TLN2: variants seen among roughly 807,000 people sequenced by gnomAD.
TLN2 encodes talin-2.
In TLN2, 118 loss-of-function variants were observed where a neutral mutation model predicts 294.7. The ratio of observed to expected loss-of-function variants is 0.40; its 90% CI spans 0.34 to 0.47. TLN2 has a LOEUF of 0.47. TLN2 is among the 20% of genes least tolerant of loss of function. The pLI is 0.84. For missense variants in TLN2, 3,083 were observed against 3,282.2 expected, an observed-to-expected ratio of 0.94 and a Z score of 1.48; for synonymous variants, 1,431 against 1,304.5, an observed-to-expected ratio of 1.10 and a Z score of -2.09.
intron 2 of TLN2, among the ~76,000 whole-genome samples, chr15:62,617,747 C>G (rs1180432562): frequency 6.6e-6 from 1 of 152,108 alleles, no homozygotes; most frequent in Non-Finnish European, 1.5e-5. Context: ...TCTTGAACTT[C>G]TAAATCAAAT....
At chr15:62,639,253 ATATCTAT>A (rs2050725035) in intron 3 of TLN2, among the ~76,000 whole-genome samples, 1 of 151,894 alleles carries the variant, frequency 6.6e-6, no homozygotes, top group South Asian at 2.1e-4. Flanking sequence ...ATCTATATCT[ATATCTAT>A]GTGTATATCT....
intron 54 of TLN2, chr15:62,828,131 T>G (rs540537914): frequency 6.6e-6 from 1 of 152,422 alleles, no homozygotes; most frequent in African/African-American, 2.4e-5. Context: ...CAACCCAATA[T>G]ATAGCCTTTC....
intron 14 of TLN2, among the ~76,000 whole-genome samples, chr15:62,696,860 G>A (rs1341422658): frequency 6.6e-6 from 1 of 152,130 alleles, no homozygotes; most frequent in African/African-American, 2.4e-5. Flanking sequence ...CAATGGTGGT[G>A]GACCTGAGGA....
chr15:62,556,116 T>G (rs2140571982), intron 1 of TLN2, among the ~76,000 whole-genome samples: 1 of 152,020 alleles, frequency 6.6e-6, no homozygotes, highest in East Asian at 1.9e-4. Context: ...TTCTCTCCAT[T>G]ATTGTATCTT....
chr15:62,618,140 A>G (rs1171344451), intron 2 of TLN2, among the ~76,000 whole-genome samples: 3 of 151,936 alleles, frequency 2.0e-5, no homozygotes, highest in African/African-American at 7.3e-5. Context: ...TTCTTCAATA[A>G]CAGCCAGGTG....
At chr15:62,529,235 A>T (rs1305093290) in intron 1 of TLN2, among the ~76,000 whole-genome samples, 1 of 152,032 alleles carries the variant, frequency 6.6e-6, no homozygotes, top group Non-Finnish European at 1.5e-5. Flanking sequence ...CTGGGACTAC[A>T]GGTGTGCACC....
intron 1 of TLN2, among the ~76,000 whole-genome samples, chr15:62,476,786 T>TG (rs1442500811): frequency 6.6e-6 from 1 of 152,220 alleles, no homozygotes; most frequent in Non-Finnish European, 1.5e-5. Context: ...TGGTGGCAGA[T>TG]GCAGATGCCA....
chr15:62,463,778 T>C (rs2036951053), intron 1 of TLN2, among the ~76,000 whole-genome samples: 1 of 152,066 alleles, frequency 6.6e-6, no homozygotes, highest in Non-Finnish European at 1.5e-5. Flanking sequence ...TCCCAGCTAC[T>C]CGGGAGGCTG....
chr15:62,659,957 T>A (rs983352855), intron 9 of TLN2, among the ~76,000 whole-genome samples: 1 of 152,234 alleles, frequency 6.6e-6, no homozygotes, highest in Non-Finnish European at 1.5e-5. Flanking sequence ...GTCCTGTTTT[T>A]ACCTGGGCTG....
At chr15:62,553,165 T>C (rs1300100661) in intron 1 of TLN2, among the ~76,000 whole-genome samples, 1 of 152,242 alleles carries the variant, frequency 6.6e-6, no homozygotes, top group Non-Finnish European at 1.5e-5. Context: ...AGTATATCTT[T>C]GCTGGCTGGC....
At chr15:62,725,652 A>G (rs962818639) in intron 27 of TLN2, among the ~76,000 whole-genome samples, 3 of 152,212 alleles carry the variant, frequency 2.0e-5, no homozygotes, top group African/African-American at 7.2e-5. Flanking sequence ...ACCACCATGT[A>G]TTAAGCACCT....
At chr15:62,650,612 T>C (rs927573751) in intron 5 of TLN2, among the ~76,000 whole-genome samples, 9 of 152,200 alleles carry the variant, frequency 5.9e-5, no homozygotes, top group African/African-American at 2.2e-4. Context: ...GTGAGTTTAA[T>C]AATGATCAGT....
intron 1 of TLN2, among the ~76,000 whole-genome samples, chr15:62,410,344 GATAA>G (rs1458073197): frequency 6.6e-6 from 1 of 152,034 alleles, no homozygotes; most frequent in Non-Finnish European, 1.5e-5. Context: ...AAAAGTTAGA[GATAA>G]ATAAAGTAAA....
chr15:62,671,656 A>G (rs2055441830), intron 9 of TLN2, among the ~76,000 whole-genome samples: 1 of 152,214 alleles, frequency 6.6e-6, no homozygotes, highest in Non-Finnish European at 1.5e-5. Flanking sequence ...TTCTTACATC[A>G]TTACTGCACT....
chr15:62,714,926 A>G (rs1052143897), intron 22 of TLN2, among the ~76,000 whole-genome samples: 1 of 152,268 alleles, frequency 6.6e-6, no homozygotes, highest in Non-Finnish European at 1.5e-5. Context: ...CTCAAAATAC[A>G]TAAAATTAGG....
intron 1 of TLN2, among the ~76,000 whole-genome samples, chr15:62,499,817 A>G (rs2437129): frequency 0.61 from 92,995 of 151,684 alleles, 29,002 homozygotes; most frequent in African/African-American, 0.73. Flanking sequence ...AGGTCAGGCT[A>G]GTCTCGAACT....
intron 50 of TLN2, among the ~76,000 whole-genome samples, chr15:62,805,296 A>T (rs1294131279): frequency 6.6e-6 from 1 of 152,184 alleles, no homozygotes; most frequent in East Asian, 1.9e-4. Flanking sequence ...AACCTTTCAC[A>T]GGATGGGTAG....
intron 1 of TLN2, among the ~76,000 whole-genome samples, chr15:62,566,819 C>T (rs2043439692): frequency 6.6e-6 from 1 of 151,828 alleles, no homozygotes; most frequent in Admixed American, 6.6e-5. Flanking sequence ...TTTCAAAGCA[C>T]TGGGATTATA....
chr15:62,400,695 G>A (rs1214639039), intron 1 of TLN2, among the ~76,000 whole-genome samples: 1 of 151,934 alleles, frequency 6.6e-6, no homozygotes, highest in Non-Finnish European at 1.5e-5. Context: ...TGATAAATGT[G>A]GCATAAATTG....
Sources: allele counts gnomAD v4.1 joint callset (sites outside exome capture counted in the v4.1 genomes callset), GRCh38; gene constraint gnomAD v4.1.1; transcripts MANE v1.5; gene names NCBI Gene and HGNC (gene_info 2026-07-23, HGNC 2026-07-21).